The following NUBPL variants were observed in gnomAD, a reference collection of about 807,000 sequenced individuals.
NUBPL encodes the protein iron-sulfur cluster transfer protein NUBPL.
A neutral mutation model predicts 45.7 loss-of-function variants in NUBPL; 31 were observed. The observed-to-expected ratio is 0.68, with a 90% CI of 0.51 to 0.92. The LOEUF (loss-of-function observed/expected upper bound fraction) is 0.92, where lower values mean the gene tolerates loss of function less well. Ranked by LOEUF, NUBPL falls within the 40% of genes least tolerant of loss-of-function variation. NUBPL has a pLI of 0.00. For missense variants in NUBPL, 401 were observed against 398.7 expected (o/e 1.01, Z -0.05); for synonymous variants, 144 against 140.9 (o/e 1.02, Z -0.15).
intron 6 of NUBPL, among the ~76,000 whole-genome samples, chr14:31,728,183 T>G (rs1446952087): frequency 6.6e-6 from 1 of 152,108 alleles, no homozygotes; most frequent in East Asian, 1.9e-4. Flanking sequence ...ACATTCATAT[T>G]TTTTCATAGA....
rs192974928 is a variant in NUBPL at position 31,638,878 on chromosome 14, G to A, written c.383-34477G>A. Among the ~76,000 whole-genome samples the A allele has an allele frequency of 2.5e-3, 385 of 152,138 alleles. 2 individuals are homozygous for A. The highest frequency in any genetic ancestry group is 8.0e-3 in the African/African-American group (330 of 41,488). On this transcript the variant is annotated intron_variant, in intron 4 of 10. Transcript: ENST00000281081. The stretch of plus-strand genomic sequence containing the variant: ...ACCCTTTCTTCCAGTTGATCGGATC[G>A]GCTCCTGAGGCTTCTGCATTCTTCA...
chr14:31,719,191 C>T (rs146808456), intron 6 of NUBPL, among the ~76,000 whole-genome samples: 1,815 of 152,224 alleles, frequency 0.012, 28 homozygotes, highest in African/African-American at 0.034. Flanking sequence ...TTGTTGCTGC[C>T]GCCCTGCATC....
intron 4 of NUBPL, among the ~76,000 whole-genome samples, chr14:31,650,287 C>CTT (rs35127795): frequency 4.3e-5 from 5 of 116,578 alleles, no homozygotes; most frequent in African/African-American, 3.6e-5. Flanking sequence ...GGCTTTCTTT[C>CTT]TTTTTTTTTT....
chr14:31,794,044 T>G (rs2039438893), intron 7 of NUBPL, among the ~76,000 whole-genome samples: 1 of 79,250 alleles, frequency 1.3e-5, no homozygotes, highest in Admixed American at 1.4e-4. Flanking sequence ...TCCATGTCCC[T>G]ACAAAGGATA....
intron 3 of NUBPL, among the ~76,000 whole-genome samples, chr14:31,587,589 G>A (rs1216832763): frequency 6.6e-6 from 1 of 152,106 alleles, no homozygotes; most frequent in Non-Finnish European, 1.5e-5. Flanking sequence ...TGCTTCTATT[G>A]TTGCTTACTA....
intron 3 of NUBPL, among the ~76,000 whole-genome samples, chr14:31,576,476 G>A (rs772520495): frequency 6.6e-6 from 1 of 152,132 alleles, no homozygotes; most frequent in Non-Finnish European, 1.5e-5. Flanking sequence ...GCCCAGGCTG[G>A]TCTGAAACTC....
At chr14:31,681,190 C>T (rs1322738100) in intron 6 of NUBPL, among the ~76,000 whole-genome samples, 5 of 151,784 alleles carry the variant, frequency 3.3e-5, no homozygotes, top group South Asian at 2.1e-4. Context: ...CCAGGCTTGG[C>T]GTGCTTTGTT....
chr14:31,832,129 G>A (rs897584616), intron 8 of NUBPL, among the ~76,000 whole-genome samples: 3 of 152,136 alleles, frequency 2.0e-5, no homozygotes, highest in Admixed American at 2.0e-4. Flanking sequence ...TCTTCCTGAT[G>A]TAACAGTACT....
chr14:31,700,205 A>C (rs1398261726), intron 6 of NUBPL, among the ~76,000 whole-genome samples: 1 of 152,228 alleles, frequency 6.6e-6, no homozygotes, highest in Non-Finnish European at 1.5e-5. Context: ...CAGTAAAGGG[A>C]AATAAGTTTC....
Position 31,577,422 on chromosome 14 carries a change from T to C in NUBPL, c.291+12374T>C, listed in dbSNP as rs368586053. 9.2e-5 allele frequency among the ~76,000 whole-genome samples: 14 copies of C among 152,150 alleles called. No individual in the cohort carries two copies. The East Asian group carries it at 9.6e-4, about 10-fold the overall frequency. ...GATTGCTTGGCTTGGTTTGTTTGTT[T>C]GTTTGTTTTGAGATGGAGTCTTACT... On this transcript the variant is annotated intron_variant, in intron 3 of 10. Coordinates refer to ENST00000281081, the MANE Select transcript of NUBPL (RefSeq NM_025152.3).
At position 31,804,216 on chromosome 14, in the gene NUBPL, A is replaced by G. The variant is rs529142283; in HGVS notation, c.607+16343A>G. On this transcript the variant is annotated intron_variant, in intron 7 of 10. Coordinates refer to ENST00000281081, the MANE Select transcript of NUBPL (RefSeq NM_025152.3). ...AGTCAAATTAGTGAAAATTCATACTATCACAAGGCAAAATGGTACTGTCAT... is the reference window on the plus strand; with the variant it reads ...AGTCAAATTAGTGAAAATTCATACTGTCACAAGGCAAAATGGTACTGTCAT... Among the ~76,000 whole-genome samples, 6 of 152,342 alleles carry G rather than the reference A, an allele frequency of 3.9e-5. No individual in the cohort carries two copies. The East Asian group carries it at 7.7e-4, about 20-fold the overall frequency.
intron 3 of NUBPL, among the ~76,000 whole-genome samples, chr14:31,581,734 A>C (rs1419630010): frequency 1.3e-5 from 2 of 152,196 alleles, no homozygotes; most frequent in Non-Finnish European, 2.9e-5. Flanking sequence ...ATGTTGAGTA[A>C]GTCTGGGGCT....
At chr14:31,696,090 G>T (rs1404119229) in intron 6 of NUBPL, among the ~76,000 whole-genome samples, 1 of 152,344 alleles carries the variant, frequency 6.6e-6, no homozygotes, top group South Asian at 2.1e-4. Context: ...TTCACTGCTT[G>T]TGCTGTGTAG....
At chr14:31,781,023 G>C (rs2039182977) in intron 6 of NUBPL, among the ~76,000 whole-genome samples, 1 of 152,168 alleles carries the variant, frequency 6.6e-6, no homozygotes, top group African/African-American at 2.4e-5. Flanking sequence ...TGCACCCTTT[G>C]AGGCTCTCCA....
At chr14:31,572,749 G>A (rs2033621648) in intron 3 of NUBPL, among the ~76,000 whole-genome samples, 1 of 152,034 alleles carries the variant, frequency 6.6e-6, no homozygotes, top group Non-Finnish European at 1.5e-5. Context: ...ATCATTAGGC[G>A]ACTTCATTTT....
chr14:31,849,335 A>G (rs2040503430), intron 9 of NUBPL, among the ~76,000 whole-genome samples: 1 of 152,176 alleles, frequency 6.6e-6, no homozygotes. Flanking sequence ...TTTTCCGCTT[A>G]AGACTCCACT....
intron 4 of NUBPL, among the ~76,000 whole-genome samples, chr14:31,600,391 A>G (rs993163575): frequency 1.3e-5 from 2 of 151,826 alleles, no homozygotes; most frequent in African/African-American, 2.4e-5. Flanking sequence ...ACACACCCAC[A>G]CTCATTCAGA....
At chr14:31,777,885 G>C (rs4981909) in intron 6 of NUBPL, among the ~76,000 whole-genome samples, 73,176 of 152,088 alleles carry the variant, frequency 0.48, 19,412 homozygotes, top group East Asian at 0.6. Context: ...GGGAATCTCT[G>C]TTGTGCCCTG....
intron 6 of NUBPL, among the ~76,000 whole-genome samples, chr14:31,721,442 T>C (rs1029838476): frequency 6.6e-5 from 10 of 152,298 alleles, no homozygotes; most frequent in African/African-American, 2.4e-4. Context: ...AGTATATGGC[T>C]GAAATTTTCA....
Sources: allele counts gnomAD v4.1 joint callset (sites outside exome capture counted in the v4.1 genomes callset), GRCh38; gene constraint gnomAD v4.1.1; transcripts MANE v1.5; gene names NCBI Gene and HGNC (gene_info 2026-07-23, HGNC 2026-07-21).